NFE2L3: variants seen among roughly 807,000 people sequenced by gnomAD.
The protein encoded by NFE2L3 is NFE2 like bZIP transcription factor 3.
NFE2L3 carries 18 observed loss-of-function variants against 23.5 expected under a neutral mutation model. That is an observed-to-expected ratio of 0.77 (90% CI 0.53 to 1.13). The LOEUF (loss-of-function observed/expected upper bound fraction) is 1.13. Among genes scored for constraint, NFE2L3 ranks in the 50% most tolerant of loss-of-function variants. The pLI, the probability that NFE2L3 is intolerant of heterozygous loss-of-function variation, is 0.00. For synonymous variants in NFE2L3, 424 were observed against 354.5 expected, an observed-to-expected ratio of 1.20 and a Z score of -2.20; for missense variants, 1,152 against 877.2, an observed-to-expected ratio of 1.31 and a Z score of -3.96.
At chr7:26,178,867 G>A (rs557560504) in intron 2 of NFE2L3, among the ~76,000 whole-genome samples, 1 of 152,104 alleles carries the variant, frequency 6.6e-6, no homozygotes, top group Admixed American at 6.5e-5. Context: ...CAGGGGTCTT[G>A]CCCTGACGGT....
intron 1 of NFE2L3, among the ~76,000 whole-genome samples, chr7:26,157,888 T>C (rs1295816202): frequency 2.0e-5 from 3 of 152,234 alleles, no homozygotes; most frequent in Non-Finnish European, 2.9e-5. Context: ...GAAAGTGTTC[T>C]ACAGCTCTCT....
In NFE2L3 at chr7:26,185,192, C is replaced by T. The variant is rs2128100807; in HGVS notation, c.1494C>T (p.His498=). The T allele has an allele frequency of 1.2e-6, 2 of 1,613,864 alleles. No homozygotes were observed. The highest frequency in any genetic ancestry group is 1.7e-4 in the Middle Eastern group (1 of 6,056). The change falls in exon 4 of 4, where the codon CAC becomes CAT. Residue 498 remains histidine (H), a synonymous_variant. Coordinates refer to ENST00000056233, the MANE Select transcript of NFE2L3 (RefSeq NM_004289.7). The stretch of plus-strand genomic sequence containing the variant: ...CATTTCAACACGTATTTCATAACCA[C>T]ACTTACCACTTACAGCCAACTGCAC... ...DLTFQHVFHN[H]TYHLQPTAPE...
intron 1 of NFE2L3, chr7:26,173,699 A>G (rs1269593506): frequency 6.6e-6 from 1 of 152,222 alleles, no homozygotes; most frequent in Non-Finnish European, 1.5e-5. Flanking sequence ...TATCAGAAGT[A>G]AGATCTCTAT....
chr7:26,175,778 C>CAA (rs766870480), intron 1 of NFE2L3, among the ~76,000 whole-genome samples: 3,598 of 80,296 alleles, frequency 0.045, 63 homozygotes, highest in Middle Eastern at 0.066. Flanking sequence ...GACTCTGTCT[C>CAA]AAAAAAAAAA....
chr7:26,179,872 C>G (rs1784476017), intron 2 of NFE2L3, among the ~76,000 whole-genome samples: 1 of 152,106 alleles, frequency 6.6e-6, no homozygotes, highest in Admixed American at 6.5e-5. Flanking sequence ...TTATACAACT[C>G]TTTGTCACGT....
chr7:26,183,876 CAGTTT>C (rs1432076815), intron 3 of NFE2L3, 92 bp downstream of exon 3: 1 of 834,168 alleles, frequency 1.2e-6, no homozygotes, highest in South Asian at 1.4e-5. Context: ...GATGACACAG[CAGTTT>C]AAAGTAATGC....
At chr7:26,175,964 C>A (rs551690011) in intron 1 of NFE2L3, among the ~76,000 whole-genome samples, 2 of 150,032 alleles carry the variant, frequency 1.3e-5, no homozygotes, top group East Asian at 2.0e-4. Flanking sequence ...CAGATAAACA[C>A]GTGAACAAAG....
chr7:26,184,146 T>C (rs1444862659), intron 3 of NFE2L3: 2 of 334,654 alleles, frequency 6.0e-6, no homozygotes, highest in African/African-American at 4.3e-5. Flanking sequence ...TAGAGGCATT[T>C]AAACAGCCTC....
In NFE2L3 at chr7:26,152,602, T is replaced by C; in HGVS notation, c.104T>C (p.Leu35Pro). Residue 35 changes from leucine to proline, a missense_variant, in exon 1 of 4, where the codon CTG becomes CCG. Leu to Pro is a moderately conservative substitution (Grantham distance 98, BLOSUM62 -3). Transcript: ENST00000056233. This position sits in a 1 kb window ranked among gnomAD's most constrained non-coding sequence, Gnocchi z 4.4. ...CGCGTAGACCTAGATCTTTACCTGC[T>C]GCTGCCGCCGCCCACCCTGCTGCAG... ...GLRVDLDLYL[L>P]LPPPTLLQDE... 6.5e-7 allele frequency: 1 copy of C among 1,546,370 alleles called. No individual in the cohort carries two copies. Among genetic ancestry groups the C allele is most frequent in the Non-Finnish European group, 8.6e-7 (1 of 1,157,448 alleles).
Position 26,152,931 on chromosome 7 carries a change from G to T in NFE2L3, c.433G>T (p.Gly145Cys). The change falls in exon 1 of 4, where the codon GGC becomes TGC. Residue 145 changes from glycine to cysteine, a missense_variant. Gly to Cys is a radical substitution (Grantham distance 159, BLOSUM62 -3). Transcript: ENST00000056233. The surrounding 1 kb of genome is among the most constrained non-coding windows in gnomAD (Gnocchi z 4.4). Reference sequence around the variant, plus strand: ...CGGAGGAGCCGGCGCCAGCGTGGACGGCGGCAGCCAGGCTGTGCAGGGGGG... The same window carrying T: ...CGGAGGAGCCGGCGCCAGCGTGGACTGCGGCAGCCAGGCTGTGCAGGGGGG... ...STGGAGASVD[G>C]GSQAVQGGGG... The T allele has an allele frequency of 1.4e-6, 2 of 1,439,742 alleles. No homozygotes were observed. The highest frequency in any genetic ancestry group is 1.8e-6 in the Non-Finnish European group (2 of 1,108,932). 89.2% of individuals were successfully genotyped at this position (1,439,742 alleles called of 1,614,324 possible).
rs139010706 is a variant in NFE2L3 at position 26,185,189 on chromosome 7, C to T, written c.1491C>T (p.Asn497=). The part of the protein sequence containing the change: ...GDLTFQHVFH[N]HTYHLQPTAP... ...TTACATTTCAACACGTATTTCATAA[C>T]CACACTTACCACTTACAGCCAACTG... The change falls in exon 4 of 4, where the codon AAC becomes AAT. Residue 497 remains asparagine, a synonymous_variant. Transcript: ENST00000056233. 4 of 1,613,712 alleles carry T rather than the reference C, an allele frequency of 2.5e-6. No individual in the cohort carries two copies. Among genetic ancestry groups the T allele is most frequent in the African/African-American group, 1.3e-5 (1 of 74,912 alleles).
At chr7:26,184,156 C>A (rs1178886627) in intron 3 of NFE2L3, 2 of 331,206 alleles carry the variant, frequency 6.0e-6, no homozygotes, top group Non-Finnish European at 1.1e-5. Flanking sequence ...TAAACAGCCT[C>A]TCTCCTCCAG....
Position 26,185,356 on chromosome 7 carries a change from A to C in NFE2L3, c.1658A>C (p.Glu553Ala). The change falls in exon 4 of 4, where the codon GAA becomes GCA. Residue 553 changes from glutamate (E) to alanine (A), a missense_variant. Physicochemically the swap from Glu to Ala is moderately radical, Grantham distance 107. Coordinates refer to ENST00000056233, the MANE Select transcript of NFE2L3 (RefSeq NM_004289.7). ...KALHIPFSVD[E>A]IVGMPVDSFN... ...TTGCATATCCCTTTTTCTGTAGATG[A>C]AATTGTCGGCATGCCTGTTGATTCT... is the stretch of plus-strand genomic sequence containing the variant. The C allele has an allele frequency of 1.2e-6, 2 of 1,614,148 alleles. No homozygotes were observed. Among genetic ancestry groups the C allele is most frequent in the Non-Finnish European group, 1.7e-6 (2 of 1,180,000 alleles).
intron 1 of NFE2L3, among the ~76,000 whole-genome samples, chr7:26,173,185 CCTT>C (rs1451201912): frequency 6.6e-6 from 1 of 152,138 alleles, no homozygotes; most frequent in African/African-American, 2.4e-5. Context: ...TGCCTCCAGT[CCTT>C]CTCTTCCTGA....
chr7:26,186,246 T>TATAAATTTTGCTTTCTATGGAA lies in NFE2L3; in HGVS notation c.*474_*495dup, dbSNP rs1477268872. ...ACTATTTTAATCTTTATATTTAACT[T>TATAAATTTTGCTTTCTATGGAA]ATAAATTTTGCTTTCTATGGAAATA... is the stretch of plus-strand genomic sequence containing the variant. On this transcript the variant is annotated 3_prime_UTR_variant, in exon 4 of 4. Transcript: ENST00000056233. The TATAAATTTTGCTTTCTATGGAA allele has an allele frequency of 7.0e-6, 1 of 143,528 alleles. No homozygotes were observed. Among genetic ancestry groups the TATAAATTTTGCTTTCTATGGAA allele is most frequent in the Non-Finnish European group, 1.5e-5 (1 of 67,836 alleles). The allele number at this position is 143,528 out of a possible 1,614,324, so 8.9% of individuals were successfully genotyped here. A position where few individuals can be genotyped will look rare whatever the true frequency, so the allele number is the denominator to read the frequency against.
At chr7:26,154,698 G>T (rs1784054619) in intron 1 of NFE2L3, among the ~76,000 whole-genome samples, 1 of 152,176 alleles carries the variant, frequency 6.6e-6, no homozygotes, top group African/African-American at 2.4e-5. Context: ...GAACTGGCGT[G>T]CACCACCATA....
chr7:26,179,703 C>G (rs1277082595), intron 2 of NFE2L3, among the ~76,000 whole-genome samples: 2 of 151,986 alleles, frequency 1.3e-5, no homozygotes, highest in Non-Finnish European at 2.9e-5. Context: ...AGGACCCTGT[C>G]TCAAAAAAGA....
At chr7:26,161,335 CTTTTTT>C (rs914055111) in intron 1 of NFE2L3, among the ~76,000 whole-genome samples, 1 of 69,562 alleles carries the variant, frequency 1.4e-5, no homozygotes, top group Non-Finnish European at 2.8e-5. Context: ...GCTTCTCTCT[CTTTTTT>C]TTTTTTTTTT....
Position 26,186,093 on chromosome 7 carries a change from G to A in NFE2L3, c.*310G>A, listed in dbSNP as rs1169908724. 4.1e-5 allele frequency: 9 copies of A among 220,374 alleles called. No homozygotes were observed. The highest frequency in any genetic ancestry group is 1.8e-4 in the African/African-American group (8 of 43,898). The allele number at this position is 220,374 out of a possible 1,614,324, so 13.7% of individuals were successfully genotyped here. ...CCATCTTGGCAGCCATCCTTTTTAA[G>A]AGTAAGTTGGTTACTTCAAAAAGAG... On this transcript the variant is annotated 3_prime_UTR_variant, in exon 4 of 4. Coordinates refer to ENST00000056233, the MANE Select transcript of NFE2L3 (RefSeq NM_004289.7).
Sources: allele counts gnomAD v4.1 joint callset (sites outside exome capture counted in the v4.1 genomes callset), GRCh38; gene constraint gnomAD v4.1.1; non-coding constraint Gnocchi (gnomAD v3.1); transcripts MANE v1.5; gene names NCBI Gene and HGNC (gene_info 2026-07-23, HGNC 2026-07-21).